The following NUP98 variants were observed in gnomAD, a reference collection of about 807,000 sequenced individuals.
NUP98 encodes the protein nuclear pore complex protein Nup98-Nup96.
A neutral mutation model predicts 191.9 loss-of-function variants in NUP98; 26 were observed. The ratio of observed to expected loss-of-function variants is 0.14; its 90% CI spans 0.10 to 0.19. The LOEUF (loss-of-function observed/expected upper bound fraction) is 0.19, where lower values mean the gene tolerates loss of function less well. Among genes scored for constraint, NUP98 ranks in the 10% least tolerant of loss-of-function variants. The pLI is 1.00. For missense variants in NUP98, 1,941 were observed against 2,178.8 expected (o/e 0.89, Z 2.17); for synonymous variants, 808 against 778.4 (o/e 1.04, Z -0.63).
intron 1 of NUP98, among the ~76,000 whole-genome samples, chr11:3,785,126 A>G (rs1344557984): frequency 6.6e-6 from 1 of 152,012 alleles, no homozygotes; most frequent in East Asian, 1.9e-4. Context: ...CAACACAGCG[A>G]GACTCTGTCT....
intron 26 of NUP98, 76 bp from the exon 27 acceptor site, chr11:3,693,451 A>G: frequency 7.2e-7 from 1 of 1,390,376 alleles, no homozygotes; most frequent in Non-Finnish European, 1.0e-6. Context: ...ACTGAAGTGA[A>G]TATTCACTTA....
At chr11:3,684,809 T>TA (rs1271809539) in intron 29 of NUP98, among the ~76,000 whole-genome samples, 1 of 138,684 alleles carries the variant, frequency 7.2e-6, no homozygotes, top group Non-Finnish European at 1.5e-5. Context: ...GGCTTAGGCT[T>TA]AGAGAGTTAA....
intron 10 of NUP98, among the ~76,000 whole-genome samples, chr11:3,757,823 T>A (rs1275923050): frequency 6.6e-6 from 1 of 150,446 alleles, no homozygotes. Flanking sequence ...AGAAATAATA[T>A]TTAATTTTGA....
intron 14 of NUP98, among the ~76,000 whole-genome samples, chr11:3,729,714 TC>T (rs1564853283): frequency 5.5e-5 from 1 of 18,226 alleles, no homozygotes; most frequent in Admixed American, 6.1e-4. Flanking sequence ...GACTCTTGCC[TC>T]AAAAAAAAAA....
At chr11:3,678,822 TGACCTTAAG>T (rs2077896685) in intron 31 of NUP98, among the ~76,000 whole-genome samples, 1 of 152,056 alleles carries the variant, frequency 6.6e-6, no homozygotes, top group Non-Finnish European at 1.5e-5. Flanking sequence ...CTACAAAGAC[TGACCTTAAG>T]GCTGCGTGCA....
Position 3,775,555 on chromosome 11 carries a change from A to C in NUP98, c.495+327T>G, listed in dbSNP as rs11029724. Among the ~76,000 whole-genome samples, 1,091 of 152,058 alleles carry C rather than the reference A, an allele frequency of 7.2e-3. 7 individuals are homozygous for C. Among genetic ancestry groups the C allele is most frequent in the Middle Eastern group, 0.01 (3 of 294 alleles). ...CCATCTTAAAAAAACAAAATAACAA[A>C]AAAAAAAAAGAAAATTGAACAGTTG... On this transcript the variant is annotated intron_variant, in intron 5 of 32. Coordinates refer to ENST00000324932, the MANE Select transcript of NUP98 (RefSeq NM_016320.5).
In NUP98 at chr11:3,693,389, AATC is replaced by A. The variant is rs753706203; in HGVS notation, c.4168-17_4168-15del. 6.2e-7 allele frequency: 1 copy of A among 1,613,780 alleles called. No individual in the cohort carries two copies. The highest frequency in any genetic ancestry group is 8.5e-7 in the Non-Finnish European group (1 of 1,179,732). On this transcript the variant is annotated splice_polypyrimidine_tract_variant and intron_variant, in intron 26 of 32. Transcript: ENST00000324932. ...GAGCTGCCACACCTGTGCGAAACAA[AATC>A]ATCACCATGGCTATATTCTACCTTG...
At position 3,778,960 on chromosome 11, in the gene NUP98, T is replaced by C. The variant is rs767285681; in HGVS notation, c.268A>G (p.Thr90Ala). 1.2e-6 allele frequency: 2 copies of C among 1,614,168 alleles called. No homozygotes were observed. The highest frequency in any genetic ancestry group is 2.2e-5 in the South Asian group (2 of 91,086). The change falls in exon 4 of 33, where the codon ACC becomes GCC. Residue 90 changes from threonine to alanine, a missense_variant. By Grantham distance (58) the Thr-to-Ala change is moderately conservative. Transcript: ENST00000324932. Reference protein sequence around the residue: ...GFGTSTGTANTLFGTASTGTS... With the variant: ...GFGTSTGTANALFGTASTGTS... ...CCTGTGCTTGCAGTTCCAAACAAGG[T>C]ATTTGCTGTTCCTGTTGACGTACCA...
At chr11:3,776,126 T>TTA in intron 4 of NUP98, 105 bp from the exon 5 acceptor site, 19 of 790,886 alleles carry the variant, frequency 2.4e-5, no homozygotes, top group Non-Finnish European at 3.4e-5. Context: ...ACTTCATTTT[T>TTA]TTTTTTTTTT....
chr11:3,745,492 C>T (rs955114555), intron 11 of NUP98, among the ~76,000 whole-genome samples: 3 of 151,870 alleles, frequency 2.0e-5, no homozygotes, highest in African/African-American at 4.8e-5. Flanking sequence ...ACCTTGTTGC[C>T]GGTGGTGATT....
intron 12 of NUP98, among the ~76,000 whole-genome samples, chr11:3,740,516 C>CAA (rs747869167): frequency 6.2e-5 from 8 of 128,758 alleles, no homozygotes; most frequent in African/African-American, 1.4e-4. Flanking sequence ...GACTCTGTCT[C>CAA]AAAAAAAAAA....
Position 3,693,318 on chromosome 11 carries a change from G to A in NUP98, c.4225C>T (p.Arg1409Cys), listed in dbSNP as rs1344707385. Residue 1409 changes from arginine to cysteine, a missense_variant, in exon 27 of 33, where the codon CGC becomes TGC. Physicochemically the swap from Arg to Cys is radical, Grantham distance 180. Transcript: ENST00000324932. ...INVCSQLDWK[R>C]SLAIHLWYLL... Reference sequence around the variant, plus strand: ...TACCAAAGATGGATAGCCAGGGAGCGTTTCCAATCCAACTGGGAGCACACG... The same window carrying A: ...TACCAAAGATGGATAGCCAGGGAGCATTTCCAATCCAACTGGGAGCACACG... The A allele has an allele frequency of 3.1e-6, 5 of 1,614,022 alleles. No homozygotes were observed. The highest frequency in any genetic ancestry group is 2.2e-5 in the East Asian group (1 of 44,902).
Position 3,686,044 on chromosome 11 carries a change from G to A in NUP98, c.4605C>T (p.Tyr1535=), listed in dbSNP as rs775540113. 1.4e-5 allele frequency: 22 copies of A among 1,614,062 alleles called. No homozygotes were observed. Among genetic ancestry groups the A allele is most frequent in the African/African-American group, 5.3e-5 (4 of 74,932 alleles). The change falls in exon 29 of 33, where the codon TAC becomes TAT. Residue 1535 remains tyrosine, a synonymous_variant. Coordinates refer to ENST00000324932, the MANE Select transcript of NUP98 (RefSeq NM_016320.5). The stretch of plus-strand genomic sequence containing the variant: ...GCCCCTCACTTTCAAGCTGGCCAGC[G>A]TAACTGGCCTGTAGCACACCTTCAC... ...AQCEGVLQAS[Y]AGQLESEGLW... is the part of the protein sequence containing the mutation.
Position 3,706,637 on chromosome 11 carries a change from GCAGA to G in NUP98, c.2743-14_2743-11del. 1.9e-6 allele frequency: 3 copies of G among 1,610,856 alleles called. No homozygotes were observed. ...CCTCTGGGCTCTGGCTCTGTAGACA[GCAGA>G]AAGATCAGGAAAGCAGCATTAAATT... is the stretch of plus-strand genomic sequence containing the variant. On this transcript the variant is annotated splice_polypyrimidine_tract_variant and intron_variant, in intron 20 of 32. Transcript: ENST00000324932.
chr11:3,787,910 T>G (rs1355355023), intron 1 of NUP98, among the ~76,000 whole-genome samples: 1 of 151,632 alleles, frequency 6.6e-6, no homozygotes, highest in African/African-American at 2.4e-5. Flanking sequence ...GAGAATCACT[T>G]GAATCCAGGA....
At chr11:3,680,974 C>T (rs2077966081) in intron 30 of NUP98, among the ~76,000 whole-genome samples, 1 of 152,170 alleles carries the variant, frequency 6.6e-6, no homozygotes, top group Admixed American at 6.5e-5. Context: ...AGTACTCCTG[C>T]CTCAGCCTCC....
At chr11:3,688,421 TAATAA>T (rs1200651361) in intron 28 of NUP98, among the ~76,000 whole-genome samples, 1 of 150,938 alleles carries the variant, frequency 6.6e-6, no homozygotes, top group Non-Finnish European at 1.5e-5. Flanking sequence ...ATAATAATAA[TAATAA>T]AATAAATAAA....
rs776833978 is a variant in NUP98 at position 3,720,784 on chromosome 11, T to C, written c.2188A>G (p.Met730Val). 7.7e-6 allele frequency: 12 copies of C among 1,555,834 alleles called. No individual in the cohort carries two copies. The highest frequency in any genetic ancestry group is 1.8e-4 in the Middle Eastern group (1 of 5,666). The change falls in exon 17 of 33, where the codon ATG becomes GTG. Residue 730 changes from methionine (M) to valine (V), a missense_variant. By Grantham distance (21) the Met-to-Val change is conservative (BLOSUM62 1). Coordinates refer to ENST00000324932, the MANE Select transcript of NUP98 (RefSeq NM_016320.5). ...TTGGTAATTTTAGCAAGGTCATCCA[T>C]AGATGGAATAGTATAGTAACCAACC... Reference protein sequence around the residue: ...TKVGYYTIPSMDDLAKITNEK... With the variant: ...TKVGYYTIPSVDDLAKITNEK...
rs199544160 is a variant in NUP98 at position 3,676,046 on chromosome 11, G to A, written c.*113C>T. On this transcript the variant is annotated 3_prime_UTR_variant, in exon 33 of 33. Coordinates refer to ENST00000324932, the MANE Select transcript of NUP98 (RefSeq NM_016320.5). ...TGCTGCTTCTGGCAGCAGGGAGGGAGGGTAGATGCCACAGCCAACCCAGAG... is the reference window on the plus strand; with the variant it reads ...TGCTGCTTCTGGCAGCAGGGAGGGAAGGTAGATGCCACAGCCAACCCAGAG... 588 of 925,304 alleles carry A rather than the reference G, an allele frequency of 6.4e-4. 4 individuals carry two copies. In the East Asian group the frequency reaches 0.015, roughly 24 times the overall value. The allele number at this position is 925,304 out of a possible 1,614,324, so 57.3% of individuals were successfully genotyped here. A position where few individuals can be genotyped will look rare whatever the true frequency, so the allele number is the denominator to read the frequency against.
Sources: gnomAD v4.1 joint callset for allele counts (sites outside exome capture counted in the v4.1 genomes callset) on GRCh38, gnomAD v4.1.1 for gene constraint, MANE v1.5 for transcripts, NCBI Gene and HGNC (gene_info 2026-07-23, HGNC 2026-07-21) for gene names.